CNTLN: variants seen among roughly 807,000 people sequenced by gnomAD.
CNTLN encodes the protein centlein, also known as centlein, centrosomal protein.
CNTLN carries 212 observed loss-of-function variants against 180.0 expected under a neutral mutation model. That is an observed-to-expected ratio of 1.18 (90% CI 1.05 to 1.32). The LOEUF (loss-of-function observed/expected upper bound fraction) is 1.32, where lower values mean the gene tolerates loss of function less well. CNTLN is among the 40% of genes most tolerant of loss of function. CNTLN has a pLI of 0.00. For missense variants in CNTLN, 2,095 were observed against 1,610.9 expected (o/e 1.30, Z -5.14); for synonymous variants, 722 against 563.1 (o/e 1.28, Z -3.99).
chr9:17,453,285 C>G (rs1830900486), intron 18 of CNTLN, among the ~76,000 whole-genome samples: 1 of 151,966 alleles, frequency 6.6e-6, no homozygotes, highest in African/African-American at 2.4e-5. Flanking sequence ...TGCACTCCAG[C>G]CTGGGCAATA....
chr9:17,135,623 C>T (rs2774620), intron 1 of CNTLN, among the ~76,000 whole-genome samples, 198 bp downstream of exon 1: 8,491 of 152,212 alleles, frequency 0.056, 805 homozygotes, highest in African/African-American at 0.19. Flanking sequence ...GCCCCTGCCC[C>T]TTTCCGAACT....
intron 18 of CNTLN, among the ~76,000 whole-genome samples, chr9:17,446,329 G>T (rs1036106549): frequency 2.6e-5 from 4 of 152,114 alleles, no homozygotes; most frequent in Admixed American, 6.6e-5. Flanking sequence ...CACCCCTACA[G>T]ACCCTATCAT....
At chr9:17,501,774 C>G (rs1284850178) in intron 25 of CNTLN, among the ~76,000 whole-genome samples, 1 of 152,166 alleles carries the variant, frequency 6.6e-6, no homozygotes, top group Non-Finnish European at 1.5e-5. Context: ...TTATGTGAGG[C>G]TATGTAGCTG....
chr9:17,217,270 T>G (rs776171185), intron 2 of CNTLN, among the ~76,000 whole-genome samples: 20 of 152,258 alleles, frequency 1.3e-4, no homozygotes, highest in African/African-American at 2.7e-4. Flanking sequence ...AAAATAATTG[T>G]GATCACCTTT....
intron 2 of CNTLN, among the ~76,000 whole-genome samples, chr9:17,185,940 G>T (rs533502059): frequency 9.1e-4 from 139 of 151,934 alleles, no homozygotes; most frequent in African/African-American, 3.2e-3. Context: ...CTATAGGCGC[G>T]CACCACCACA....
intron 23 of CNTLN, among the ~76,000 whole-genome samples, chr9:17,468,777 CT>C (rs1831896154): frequency 6.6e-6 from 1 of 151,484 alleles, no homozygotes; most frequent in Non-Finnish European, 1.5e-5. Flanking sequence ...CTTTAAGAAA[CT>C]TTTTCTTTAT....
chr9:17,464,688 CA>C (rs1038236355), intron 21 of CNTLN, 65 bp downstream of exon 21: 1 of 1,010,086 alleles, frequency 9.9e-7, no homozygotes, highest in African/African-American at 1.7e-5. Flanking sequence ...TCTCTTACCA[CA>C]AACATTTAAT....
intron 16 of CNTLN, among the ~76,000 whole-genome samples, chr9:17,411,713 G>A (rs1421320923): frequency 6.6e-6 from 1 of 152,130 alleles, no homozygotes; most frequent in African/African-American, 2.4e-5. Flanking sequence ...CTAGGTTGCT[G>A]CTCCTTATGA....
chr9:17,360,145 A>G (rs61491193), intron 12 of CNTLN, among the ~76,000 whole-genome samples: 2,529 of 152,294 alleles, frequency 0.017, 78 homozygotes, highest in African/African-American at 0.058. Flanking sequence ...AAATTTTTCT[A>G]AGTTCAAAAT....
chr9:17,502,269 T>C (rs1196230816), intron 25 of CNTLN, among the ~76,000 whole-genome samples: 2 of 152,222 alleles, frequency 1.3e-5, no homozygotes, highest in Non-Finnish European at 2.9e-5. Context: ...GCTTAGCTGC[T>C]TGTATTGCAG....
Position 17,183,242 on chromosome 9 carries a change from C to T in CNTLN, c.449+39866C>T, listed in dbSNP as rs374406080. Among the ~76,000 whole-genome samples, 68 of 152,188 alleles carry T rather than the reference C, an allele frequency of 4.5e-4. 1 individual carries two copies. The highest frequency in any genetic ancestry group is 1.5e-3 in the African/African-American group (64 of 41,526). Reference sequence around the variant, plus strand: ...TAGTAAACCAAAATGTTTTAAAATTCATCCATAAATCCAAACCATCTTATA... The same window carrying T: ...TAGTAAACCAAAATGTTTTAAAATTTATCCATAAATCCAAACCATCTTATA... On this transcript the variant is annotated intron_variant, in intron 2 of 25. Transcript: ENST00000380647.
intron 13 of CNTLN, among the ~76,000 whole-genome samples, chr9:17,376,447 A>T (rs571621892): frequency 4.0e-5 from 6 of 151,144 alleles, no homozygotes; most frequent in South Asian, 2.1e-4. Flanking sequence ...TCTTTTTTTT[A>T]AATTTTTTAA....
chr9:17,231,583 C>T (rs1824818460), intron 3 of CNTLN, among the ~76,000 whole-genome samples: 1 of 151,808 alleles, frequency 6.6e-6, no homozygotes, highest in Admixed American at 6.6e-5. Context: ...TCATTTTTTC[C>T]TTACCTTCTA....
chr9:17,344,668 A>T (rs981540218), intron 12 of CNTLN, among the ~76,000 whole-genome samples: 2 of 152,212 alleles, frequency 1.3e-5, no homozygotes, highest in Non-Finnish European at 2.9e-5. Flanking sequence ...ACTAATGTCC[A>T]AAAGTGTCAT....
chr9:17,210,056 A>ATTAT (rs971936338), intron 2 of CNTLN, among the ~76,000 whole-genome samples: 1 of 152,028 alleles, frequency 6.6e-6, no homozygotes. Context: ...AGTTATTTTT[A>ATTAT]TTATTTATTT....
At chr9:17,324,211 G>A (rs528808372) in intron 8 of CNTLN, among the ~76,000 whole-genome samples, 8 of 152,144 alleles carry the variant, frequency 5.3e-5, no homozygotes, top group East Asian at 3.9e-4. Flanking sequence ...CTTATACCCC[G>A]AAGTCACATA....
chr9:17,155,516 T>C (rs1337505173), intron 2 of CNTLN, among the ~76,000 whole-genome samples: 2 of 152,196 alleles, frequency 1.3e-5, no homozygotes, highest in African/African-American at 2.4e-5. Flanking sequence ...TGAGCTGCAG[T>C]GGGCTCTGCC....
At chr9:17,352,053 G>C (rs1417740481) in intron 12 of CNTLN, among the ~76,000 whole-genome samples, 3 of 152,084 alleles carry the variant, frequency 2.0e-5, no homozygotes, top group South Asian at 4.2e-4. Context: ...AGTAGTAAAG[G>C]GGTTTTGAAT....
intron 18 of CNTLN, among the ~76,000 whole-genome samples, chr9:17,441,593 C>CA (rs199758646): frequency 0.068 from 6,151 of 90,642 alleles, 156 homozygotes; most frequent in African/African-American, 0.11. Flanking sequence ...CGTGTCACTG[C>CA]AAAAAAAAAA....
Sources: gnomAD v4.1 joint callset for allele counts (sites outside exome capture counted in the v4.1 genomes callset) on GRCh38, gnomAD v4.1.1 for gene constraint, MANE v1.5 for transcripts, NCBI Gene and HGNC (gene_info 2026-07-23, HGNC 2026-07-21) for gene names.